The following ANKRD34A variants were observed in gnomAD, a reference collection of about 807,000 sequenced individuals.
ANKRD34A encodes ankyrin repeat domain-containing protein 34A.
Under a neutral mutation model 27.1 loss-of-function variants are expected in ANKRD34A, and 7 were observed. That is an observed-to-expected ratio of 0.26 (90% confidence interval 0.15 to 0.49). ANKRD34A has a LOEUF of 0.49. Among genes scored for constraint, ANKRD34A ranks in the 20% least tolerant of loss-of-function variants. The probability of loss-of-function intolerance (pLI) is 0.99; values close to 1 mark genes in which losing one functional copy is unlikely to be tolerated. For synonymous variants in ANKRD34A, 301 were observed against 300.8 expected (o/e 1.00, Z -0.01); for missense variants, 472 against 682.1 (o/e 0.69, Z 3.43).
At position 145,960,293 on chromosome 1, in the gene ANKRD34A, A is replaced by C; in HGVS notation, c.1467T>G (p.Gly489=). The C allele has an allele frequency of 6.4e-7, 1 of 1,569,314 alleles. No individual in the cohort carries two copies. Among genetic ancestry groups the C allele is most frequent in the Non-Finnish European group, 8.7e-7 (1 of 1,155,538 alleles). The change falls in exon 4 of 4, where the codon GGT becomes GGG. Residue 489 remains glycine (G), a synonymous_variant. Coordinates refer to ENST00000606888, the MANE Select transcript of ANKRD34A (RefSeq NM_001039888.4). This position sits in a 1 kb window ranked among gnomAD's most constrained non-coding sequence, Gnocchi z 5.5. ...CTCAGCGCCCTGGCTCCCCAGGCCC[A>C]CCTAGACTCTGGAAGCCCCCCAGCA... ...IRLLGGFQSL[G]GPGEPGR
At position 145,960,962 on chromosome 1, in the gene ANKRD34A, C is replaced by T; in HGVS notation, c.798G>A (p.Pro266=). 1 of 1,614,176 alleles carries T rather than the reference C, an allele frequency of 6.2e-7. No homozygotes were observed. The highest frequency in any genetic ancestry group is 8.5e-7 in the Non-Finnish European group (1 of 1,180,026). ...ATTCGGCAGTCAAGCGCTCGATCCC[C>T]GGTCTCCCTTCAGTGGGTGGGACTG... ...PQPVPPTEGR[P]GIERLTAEFN... The change falls in exon 4 of 4, where the codon CCG becomes CCA. Residue 266 remains proline, a synonymous_variant. Coordinates refer to ENST00000606888, the MANE Select transcript of ANKRD34A (RefSeq NM_001039888.4). This position sits in a 1 kb window ranked among gnomAD's most constrained non-coding sequence, Gnocchi z 5.5.
In ANKRD34A at chr1:145,959,954, C is replaced by T. The variant is rs1649654222; in HGVS notation, c.*315G>A. On this transcript the variant is annotated 3_prime_UTR_variant, in exon 4 of 4. Transcript: ENST00000606888. ...GTTCCCTACTGCTTCTGAACAAATG[C>T]AAGAGAGTTTGGGACCCTAGCCCTG... is the stretch of plus-strand genomic sequence containing the variant. 2.8e-6 allele frequency: 1 copy of T among 351,124 alleles called. No individual in the cohort carries two copies. The highest frequency in any genetic ancestry group is 4.6e-5 in the East Asian group (1 of 21,750). 21.8% of individuals were successfully genotyped at this position (351,124 alleles called of 1,614,324 possible). A position where few individuals can be genotyped will look rare whatever the true frequency, so the allele number is the denominator to read the frequency against.
In ANKRD34A at chr1:145,961,924, G is replaced by A; in HGVS notation, c.-120-45C>T. 1.2e-6 allele frequency: 1 copy of A among 815,182 alleles called. No individual in the cohort carries two copies. The allele number at this position is 815,182 out of a possible 1,614,324, so 50.5% of individuals were successfully genotyped here. On this transcript the variant is annotated intron_variant, in intron 3 of 3. Transcript: ENST00000606888. This position sits in a 1 kb window ranked among gnomAD's most constrained non-coding sequence, Gnocchi z 9.5. ...TTGATAGATTCGGCAGGAAAACTGA[G>A]GCACAGATGCAGGGACCCAGCGTGG...
chr1:145,961,211 C>T lies in ANKRD34A; in HGVS notation c.549G>A (p.Ser183=), dbSNP rs782551056. Residue 183 remains serine, a synonymous_variant, in exon 4 of 4, where the codon TCG becomes TCA. Coordinates refer to ENST00000606888, the MANE Select transcript of ANKRD34A (RefSeq NM_001039888.4). This position sits in a 1 kb window ranked among gnomAD's most constrained non-coding sequence, Gnocchi z 9.5. ...PASPSPGFCT[S]PSEIQLQTAG... is the part of the protein sequence containing the mutation. ...CGGTCTGCAGTTGGATTTCCGAAGG[C>T]GACGTGCAGAACCCCGGGCTAGGAG... is the stretch of plus-strand genomic sequence containing the variant. 2.5e-6 allele frequency: 4 copies of T among 1,613,930 alleles called. No homozygotes were observed. In the Admixed American group the frequency reaches 6.7e-5, roughly 27 times the overall value.
At position 145,960,653 on chromosome 1, in the gene ANKRD34A, C is replaced by A. The variant is rs1553761189; in HGVS notation, c.1107G>T (p.Leu369Phe). The A allele has an allele frequency of 6.3e-7, 1 of 1,596,714 alleles. No individual in the cohort carries two copies. Among genetic ancestry groups the A allele is most frequent in the Admixed American group, 1.7e-5 (1 of 58,044 alleles). The change falls in exon 4 of 4, where the codon TTG (leucine) becomes TTT (phenylalanine). Residue 369 changes from leucine (L) to phenylalanine (F), a missense_variant. Physicochemically the swap from Leu to Phe is conservative, Grantham distance 22. Around this residue, in one of 4 missense-constraint regions of ANKRD34A, gnomAD observed 295 missense variants for 335.0 expected, o/e 0.88. Transcript: ENST00000606888. The surrounding 1 kb of genome is among the most constrained non-coding windows in gnomAD (Gnocchi z 5.5). ...GAGCCGAGCCGGCTGGAGGGAGGGT[C>A]AACGGGGAGGCGCTGTATCGGCGGC... Reference protein sequence around the residue: ...LERRRYSASPLTLPPAGSAPS... With the variant: ...LERRRYSASPFTLPPAGSAPS...
chr1:145,961,225 C>G lies in ANKRD34A; in HGVS notation c.535G>C (p.Gly179Arg). 1 of 1,613,984 alleles carries G rather than the reference C, an allele frequency of 6.2e-7. No individual in the cohort carries two copies. Among genetic ancestry groups the G allele is most frequent in the Non-Finnish European group, 8.5e-7 (1 of 1,179,896 alleles). The change falls in exon 4 of 4, where the codon GGG becomes CGG. Residue 179 changes from glycine to arginine, a missense_variant. Gly to Arg is a moderately radical substitution (Grantham distance 125). Transcript: ENST00000606888. This position sits in a 1 kb window ranked among gnomAD's most constrained non-coding sequence, Gnocchi z 9.5. ...ATTTCCGAAGGCGACGTGCAGAACCCCGGGCTAGGAGAGGCGGGAGCAGGG... is the reference window on the plus strand; with the variant it reads ...ATTTCCGAAGGCGACGTGCAGAACCGCGGGCTAGGAGAGGCGGGAGCAGGG... The part of the protein sequence containing the change: ...EDPAPASPSP[G>R]FCTSPSEIQL...
chr1:145,960,614 C>G lies in ANKRD34A; in HGVS notation c.1146G>C (p.Gln382His). 6.3e-7 allele frequency: 1 copy of G among 1,585,400 alleles called. No homozygotes were observed. The highest frequency in any genetic ancestry group is 8.6e-7 in the Non-Finnish European group (1 of 1,163,812). Reference sequence around the variant, plus strand: ...CTGCCCCTGGCAGACTCTCCTGGGACTGGCGCGGAGAGGGAGCCGAGCCGG... The same window carrying G: ...CTGCCCCTGGCAGACTCTCCTGGGAGTGGCGCGGAGAGGGAGCCGAGCCGG... ...PPAGSAPSPR[Q>H]SQESLPGAVS... is the part of the protein sequence containing the mutation. Residue 382 changes from glutamine to histidine, a missense_variant, in exon 4 of 4, where the codon CAG (glutamine) becomes CAC (histidine). By Grantham distance (24) the Gln-to-His change is conservative. This residue lies in a region of ANKRD34A where 295 missense variants were observed against 335.0 expected (regional missense o/e 0.88). Coordinates refer to ENST00000606888, the MANE Select transcript of ANKRD34A (RefSeq NM_001039888.4). This position sits in a 1 kb window ranked among gnomAD's most constrained non-coding sequence, Gnocchi z 5.5.
chr1:145,962,023 C>T, intron 3 of ANKRD34A, 144 bp from the exon 4 acceptor site: 1 of 505,186 alleles, frequency 2.0e-6, no homozygotes, highest in Non-Finnish European at 3.5e-6. Context: ...CCCCGCAGCG[C>T]ATGCCTGAGG....
In ANKRD34A at chr1:145,960,061, T is replaced by G; in HGVS notation, c.*208A>C. On this transcript the variant is annotated 3_prime_UTR_variant, in exon 4 of 4. Coordinates refer to ENST00000606888, the MANE Select transcript of ANKRD34A (RefSeq NM_001039888.4). The surrounding 1 kb of genome is among the most constrained non-coding windows in gnomAD (Gnocchi z 5.5). ...AATGACCAGGGCATGAATACATGTG[T>G]GTATATACCCAGTAAATAGAGTACT... is the stretch of plus-strand genomic sequence containing the variant. 1 of 526,856 alleles carries G rather than the reference T, an allele frequency of 1.9e-6. No homozygotes were observed. Among genetic ancestry groups the G allele is most frequent in the South Asian group, 4.7e-5 (1 of 21,096 alleles). 32.6% of individuals were successfully genotyped at this position (526,856 alleles called of 1,614,324 possible).
chr1:145,962,928 T>A lies in ANKRD34A; in HGVS notation c.-628A>T, dbSNP rs1482924956. 1 of 152,276 alleles carries A rather than the reference T, an allele frequency of 6.6e-6. No homozygotes were observed. The highest frequency in any genetic ancestry group is 2.4e-5 in the African/African-American group (1 of 41,452). 9.4% of individuals were successfully genotyped at this position (152,276 alleles called of 1,614,324 possible). On this transcript the variant is annotated 5_prime_UTR_variant, in exon 3 of 4. Coordinates refer to ENST00000606888, the MANE Select transcript of ANKRD34A (RefSeq NM_001039888.4). Reference sequence around the variant, plus strand: ...CGCACTTGGTGTGTTTGTGCGCTCCTGTGCGCCAGACCTGACCTGCCATAC... The same window carrying A: ...CGCACTTGGTGTGTTTGTGCGCTCCAGTGCGCCAGACCTGACCTGCCATAC...
Position 145,960,729 on chromosome 1 carries a change from G to A in ANKRD34A, c.1031C>T (p.Pro344Leu). ...SRMEPVELDT[P>L]GHLCPDSPES... Reference sequence around the variant, plus strand: ...AGGCGAGTCAGGGCAAAGGTGTCCAGGGGTGTCCAGCTCCACTGGCTCCAT... The same window carrying A: ...AGGCGAGTCAGGGCAAAGGTGTCCAAGGGTGTCCAGCTCCACTGGCTCCAT... The change falls in exon 4 of 4, where the codon CCT becomes CTT. Residue 344 changes from proline to leucine, a missense_variant. Pro to Leu is a moderately conservative substitution (Grantham distance 98). Around this residue, in one of 4 missense-constraint regions of ANKRD34A, gnomAD observed 295 missense variants for 335.0 expected, o/e 0.88. Coordinates refer to ENST00000606888, the MANE Select transcript of ANKRD34A (RefSeq NM_001039888.4). This position sits in a 1 kb window ranked among gnomAD's most constrained non-coding sequence, Gnocchi z 5.5. The A allele has an allele frequency of 6.2e-7, 1 of 1,614,198 alleles. No individual in the cohort carries two copies. The highest frequency in any genetic ancestry group is 8.5e-7 in the Non-Finnish European group (1 of 1,180,012).
In ANKRD34A at chr1:145,959,968, A is replaced by G. The variant is rs1649655542; in HGVS notation, c.*301T>C. 2.7e-6 allele frequency: 1 copy of G among 371,484 alleles called. No homozygotes were observed. Among genetic ancestry groups the G allele is most frequent in the Admixed American group, 4.7e-5 (1 of 21,292 alleles). The allele number at this position is 371,484 out of a possible 1,614,324, so 23.0% of individuals were successfully genotyped here. On this transcript the variant is annotated 3_prime_UTR_variant, in exon 4 of 4. Coordinates refer to ENST00000606888, the MANE Select transcript of ANKRD34A (RefSeq NM_001039888.4). Reference sequence around the variant, plus strand: ...CTGAACAAATGCAAGAGAGTTTGGGACCCTAGCCCTGTGTGTTTATTGATA... The same window carrying G: ...CTGAACAAATGCAAGAGAGTTTGGGGCCCTAGCCCTGTGTGTTTATTGATA...
chr1:145,960,080 G>T lies in ANKRD34A; in HGVS notation c.*189C>A. 1 of 612,704 alleles carries T rather than the reference G, an allele frequency of 1.6e-6. No individual in the cohort carries two copies. Among genetic ancestry groups the T allele is most frequent in the Non-Finnish European group, 2.6e-6 (1 of 381,676 alleles). 38.0% of individuals were successfully genotyped at this position (612,704 alleles called of 1,614,324 possible). Reference sequence around the variant, plus strand: ...CATGTGTGTATATACCCAGTAAATAGAGTACTTATTCTTTCTTGCTAATAA... The same window carrying T: ...CATGTGTGTATATACCCAGTAAATATAGTACTTATTCTTTCTTGCTAATAA... On this transcript the variant is annotated 3_prime_UTR_variant, in exon 4 of 4. Transcript: ENST00000606888. This position sits in a 1 kb window ranked among gnomAD's most constrained non-coding sequence, Gnocchi z 5.5.
In ANKRD34A at chr1:145,960,440, G is replaced by A; in HGVS notation, c.1320C>T (p.Arg440=). 2 of 1,608,670 alleles carry A rather than the reference G, an allele frequency of 1.2e-6. No homozygotes were observed. Among genetic ancestry groups the A allele is most frequent in the Non-Finnish European group, 1.7e-6 (2 of 1,177,190 alleles). ...VSPHPPIPDI[R]PQPGGRAPSL... ...AAGGCGCCCGACCTCCGGGTTGTGG[G>A]CGAATGTCAGGGATGGGAGGGTGGG... is the stretch of plus-strand genomic sequence containing the variant. Residue 440 remains arginine (R), a synonymous_variant, in exon 4 of 4, where the codon CGC becomes CGT. Coordinates refer to ENST00000606888, the MANE Select transcript of ANKRD34A (RefSeq NM_001039888.4). The surrounding 1 kb of genome is among the most constrained non-coding windows in gnomAD (Gnocchi z 5.5).
Position 145,961,504 on chromosome 1 carries a change from C to T in ANKRD34A, c.256G>A (p.Ala86Thr). The change falls in exon 4 of 4, where the codon GCC (alanine) becomes ACC (threonine). Residue 86 changes from alanine (A) to threonine (T), a missense_variant. Around this residue, in one of 4 missense-constraint regions of ANKRD34A, gnomAD observed 118 missense variants for 253.6 expected, o/e 0.47. Transcript: ENST00000606888. The surrounding 1 kb of genome is among the most constrained non-coding windows in gnomAD (Gnocchi z 9.5). ...GCCACCGCGGCGCCCCCACCCCCGG[C>T]GCAAGCGTGCATGAGCGCCGTGCGC... Reference protein sequence around the residue: ...LGRTALMHACAGGGGAAVASL... With the variant: ...LGRTALMHACTGGGGAAVASL... The T allele has an allele frequency of 6.3e-7, 1 of 1,575,342 alleles. No individual in the cohort carries two copies. Among genetic ancestry groups the T allele is most frequent in the Non-Finnish European group, 8.6e-7 (1 of 1,161,042 alleles).
chr1:145,962,951 T>C lies in ANKRD34A; in HGVS notation c.-651A>G, dbSNP rs1257065148. 1 of 152,318 alleles carries C rather than the reference T, an allele frequency of 6.6e-6. No individual in the cohort carries two copies. The highest frequency in any genetic ancestry group is 1.5e-5 in the Non-Finnish European group (1 of 68,098). 9.4% of individuals were successfully genotyped at this position (152,318 alleles called of 1,614,324 possible). On this transcript the variant is annotated 5_prime_UTR_variant, in exon 3 of 4. The change abolishes an upstream ATG in the 5' untranslated region. Coordinates refer to ENST00000606888, the MANE Select transcript of ANKRD34A (RefSeq NM_001039888.4). ...CCTGTGCGCCAGACCTGACCTGCCATACACGGCACATGGCACACTGTGTAA... is the reference window on the plus strand; with the variant it reads ...CCTGTGCGCCAGACCTGACCTGCCACACACGGCACATGGCACACTGTGTAA...
chr1:145,963,935 G>T (rs1649895682), intron 1 of ANKRD34A, among the ~76,000 whole-genome samples: 1 of 152,152 alleles, frequency 6.6e-6, no homozygotes, highest in Admixed American at 6.5e-5. Flanking sequence ...CAGTCTACAG[G>T]CCATTTTCTC....
chr1:145,962,512 T>C lies in ANKRD34A; in HGVS notation c.-212A>G, dbSNP rs1192475926. On this transcript the variant is annotated 5_prime_UTR_variant, in exon 3 of 4. It removes an upstream start codon present in the reference 5' UTR. Transcript: ENST00000606888. ...GGAGCCAGTTTCCTGGGGGCCCGCATGGCGTGGGGGGGGGGGCACCCGGAT... is the reference window on the plus strand; with the variant it reads ...GGAGCCAGTTTCCTGGGGGCCCGCACGGCGTGGGGGGGGGGGCACCCGGAT... 2.7e-5 allele frequency: 1 copy of C among 36,648 alleles called. No homozygotes were observed. The highest frequency in any genetic ancestry group is 5.7e-5 in the Non-Finnish European group (1 of 17,420). The allele number at this position is 36,648 out of a possible 1,614,324, so 2.3% of individuals were successfully genotyped here. A position where few individuals can be genotyped will look rare whatever the true frequency, so the allele number is the denominator to read the frequency against.
At position 145,961,178 on chromosome 1, in the gene ANKRD34A, T is replaced by G. The variant is rs782362550; in HGVS notation, c.582A>C (p.Gly194=). Residue 194 remains glycine (G), a synonymous_variant, in exon 4 of 4, where the codon GGA becomes GGC. Transcript: ENST00000606888. The surrounding 1 kb of genome is among the most constrained non-coding windows in gnomAD (Gnocchi z 9.5). The part of the protein sequence containing the change: ...PSEIQLQTAG[G]GGRGMLSPRA... Reference sequence around the variant, plus strand: ...GAGGGGATAACATCCCACGCCCTCCTCCTCCAGCGGTCTGCAGTTGGATTT... The same window carrying G: ...GAGGGGATAACATCCCACGCCCTCCGCCTCCAGCGGTCTGCAGTTGGATTT... 6 of 1,614,026 alleles carry G rather than the reference T, an allele frequency of 3.7e-6. No individual in the cohort carries two copies. In the Admixed American group the frequency reaches 1.0e-4, roughly 27 times the overall value.
Sources: gnomAD v4.1 joint callset for allele counts (sites outside exome capture counted in the v4.1 genomes callset) on GRCh38, gnomAD v4.1.1 for gene constraint, gnomAD v4.1.1 regional missense constraint, Gnocchi (gnomAD v3.1) non-coding constraint, MANE v1.5 for transcripts, NCBI Gene and HGNC (gene_info 2026-07-23, HGNC 2026-07-21) for gene names.